The following CDK8 variants were observed in gnomAD, a reference collection of about 807,000 sequenced individuals.
CDK8 encodes the protein cyclin-dependent kinase 8.
A neutral mutation model predicts 71.5 loss-of-function variants in CDK8; 29 were observed. The ratio of observed to expected loss-of-function variants is 0.41; its 90% CI spans 0.30 to 0.55. The LOEUF is 0.55. Ranked by LOEUF, CDK8 falls within the 20% of genes least tolerant of loss-of-function variation. The pLI is 0.37. For missense variants in CDK8, 288 were observed against 572.6 expected (o/e 0.50, Z 5.07); for synonymous variants, 161 against 192.1 (o/e 0.84, Z 1.34).
chr13:26,377,160 T>G (rs896075760), intron 4 of CDK8, among the ~76,000 whole-genome samples: 1 of 152,256 alleles, frequency 6.6e-6, no homozygotes, highest in Non-Finnish European at 1.5e-5. Flanking sequence ...GATTTTTGAG[T>G]ACTGCCAGTG....
chr13:26,333,273 G>A (rs1872836322), intron 1 of CDK8, among the ~76,000 whole-genome samples: 1 of 151,894 alleles, frequency 6.6e-6, no homozygotes, highest in South Asian at 2.1e-4. Flanking sequence ...CTGAGTAGCT[G>A]GGATTGCAGG....
intron 7 of CDK8, 36 bp from the exon 8 acceptor site, chr13:26,396,249 T>A (rs751072531): frequency 1.1e-6 from 1 of 907,640 alleles, no homozygotes; most frequent in Admixed American, 2.6e-5. Flanking sequence ...GAATAGGAAC[T>A]TAGGCAACAT....
chr13:26,329,596 G>A (rs1356577332), intron 1 of CDK8, among the ~76,000 whole-genome samples: 19 of 150,898 alleles, frequency 1.3e-4, no homozygotes, highest in African/African-American at 3.4e-4. Flanking sequence ...TCCGCCTCCC[G>A]GGTTCAAGTG....
intron 4 of CDK8, among the ~76,000 whole-genome samples, chr13:26,380,319 A>G (rs1418146415): frequency 6.6e-6 from 1 of 151,914 alleles, no homozygotes; most frequent in Non-Finnish European, 1.5e-5. Context: ...AGCTGGGATT[A>G]CAGGCACGCA....
At chr13:26,277,942 C>T (rs1872615443) in intron 1 of CDK8, among the ~76,000 whole-genome samples, 4 of 152,132 alleles carry the variant, frequency 2.6e-5, no homozygotes, top group Admixed American at 2.6e-4. Flanking sequence ...AGAATAGGGA[C>T]ACAACTGTTT....
intron 2 of CDK8, among the ~76,000 whole-genome samples, chr13:26,347,284 C>T (rs975834516): frequency 6.6e-6 from 1 of 152,130 alleles, no homozygotes; most frequent in East Asian, 1.9e-4. Context: ...TGAAAAGTTA[C>T]AAAATTTTAA....
chr13:26,280,158 A>G (rs1046835269), intron 1 of CDK8, among the ~76,000 whole-genome samples: 6 of 152,216 alleles, frequency 3.9e-5, no homozygotes, highest in South Asian at 4.1e-4. Flanking sequence ...GTGTATGACA[A>G]TTTGTTAAAT....
At chr13:26,380,745 TGCTGGCATTACAG>T (rs1360695161) in intron 4 of CDK8, among the ~76,000 whole-genome samples, 2 of 152,192 alleles carry the variant, frequency 1.3e-5, no homozygotes, top group African/African-American at 2.4e-5. Context: ...CCTCCCAAAG[TGCTGGCATTACAG>T]GCGTGAGCTA....
chr13:26,321,865 A>C (rs1002208190), intron 1 of CDK8, among the ~76,000 whole-genome samples: 1 of 152,104 alleles, frequency 6.6e-6, no homozygotes, highest in African/African-American at 2.4e-5. Context: ...ACATGTGCAT[A>C]CATATATGTA....
chr13:26,353,699 C>T (rs1034885357), intron 3 of CDK8, 41 bp from the exon 4 acceptor site: 1 of 1,484,766 alleles, frequency 6.7e-7, no homozygotes, highest in Non-Finnish European at 9.2e-7. Flanking sequence ...TTATCTTTTC[C>T]TTTTTTTAAG....
chr13:26,254,808 GCGCTCC>G lies in CDK8; in HGVS notation c.128+43_128+48del. ...TCTGGGCCGGTGTCCGCGCTGGGCG[GCGCTCC>G]CGCAGGCCGAGGCAGGTAGCCCGGA... On this transcript the variant is annotated intron_variant, in intron 1 of 12. Transcript: ENST00000381527. The surrounding 1 kb of genome is among the most constrained non-coding windows in gnomAD (Gnocchi z 6.7). 1 of 1,601,750 alleles carries G rather than the reference GCGCTCC, an allele frequency of 6.2e-7. No homozygotes were observed. Among genetic ancestry groups the G allele is most frequent in the Non-Finnish European group, 8.5e-7 (1 of 1,172,936 alleles).
rs116755996 is a variant in CDK8 at position 26,293,265 on chromosome 13, G to A, written c.128+38496G>A. 8.0e-3 allele frequency among the ~76,000 whole-genome samples: 1,216 copies of A among 152,208 alleles called. 26 individuals carry two copies. The highest frequency in any genetic ancestry group is 0.026 in the African/African-American group (1,094 of 41,526). Reference sequence around the variant, plus strand: ...ACCTTACTTATATTTCATGGATGCAGTAGCTTACCTCTTTGTGATAATAGT... The same window carrying A: ...ACCTTACTTATATTTCATGGATGCAATAGCTTACCTCTTTGTGATAATAGT... On this transcript the variant is annotated intron_variant, in intron 1 of 12. Coordinates refer to ENST00000381527, the MANE Select transcript of CDK8 (RefSeq NM_001260.3).
intron 1 of CDK8, among the ~76,000 whole-genome samples, chr13:26,317,598 C>T (rs1874571525): frequency 6.6e-6 from 1 of 152,048 alleles, no homozygotes; most frequent in Non-Finnish European, 1.5e-5. Context: ...GTGTATTCTC[C>T]AGCCACAATG....
At chr13:26,283,991 A>T (rs1872885220) in intron 1 of CDK8, among the ~76,000 whole-genome samples, 1 of 152,168 alleles carries the variant, frequency 6.6e-6, no homozygotes, top group African/African-American at 2.4e-5. Flanking sequence ...AAAAGGAACC[A>T]TCAAAACTGT....
At chr13:26,371,068 C>T (rs987179682) in intron 4 of CDK8, among the ~76,000 whole-genome samples, 4 of 152,126 alleles carry the variant, frequency 2.6e-5, no homozygotes, top group African/African-American at 9.6e-5. Context: ...TCTTGCGGGC[C>T]TTATCCAATC....
intron 1 of CDK8, among the ~76,000 whole-genome samples, chr13:26,312,829 G>C (rs1203630935): frequency 6.6e-6 from 1 of 152,110 alleles, no homozygotes; most frequent in Non-Finnish European, 1.5e-5. Flanking sequence ...GCATAGTACT[G>C]TATTGATACT....
chr13:26,306,736 C>T (rs915352277), intron 1 of CDK8, among the ~76,000 whole-genome samples: 2 of 150,860 alleles, frequency 1.3e-5, no homozygotes, highest in South Asian at 2.1e-4. Flanking sequence ...TCAAGCGATT[C>T]TCCTGCCTCA....
Position 26,400,924 on chromosome 13 carries a change from GA to G in CDK8, c.1032-343del, listed in dbSNP as rs1327974533. Among the ~76,000 whole-genome samples the G allele has an allele frequency of 4.6e-5, 7 of 152,224 alleles. No individual in the cohort carries two copies. The East Asian group carries it at 1.4e-3, about 29-fold the overall frequency. On this transcript the variant is annotated intron_variant, in intron 10 of 12. Transcript: ENST00000381527. Reference sequence around the variant, plus strand: ...TTTGTTTTGTTAATAAATGTAGTAGGAAGGGTAAAACAAAAATTACCTTTGA... The same window carrying G: ...TTTGTTTTGTTAATAAATGTAGTAGGAGGGTAAAACAAAAATTACCTTTGA...
At chr13:26,367,894 G>A (rs1874466318) in intron 4 of CDK8, among the ~76,000 whole-genome samples, 1 of 152,160 alleles carries the variant, frequency 6.6e-6, no homozygotes, top group Non-Finnish European at 1.5e-5. Flanking sequence ...TCAAAGAAGA[G>A]TCAACTGTAG....
Sources: allele counts gnomAD v4.1 joint callset (sites outside exome capture counted in the v4.1 genomes callset), GRCh38; gene constraint gnomAD v4.1.1; non-coding constraint Gnocchi (gnomAD v3.1); transcripts MANE v1.5; gene names NCBI Gene and HGNC (gene_info 2026-07-23, HGNC 2026-07-21).